The following POTEF variants were observed in gnomAD, a reference collection of about 807,000 sequenced individuals.
POTEF encodes ANKRD26-like family C member 1B.
Under a neutral mutation model 83.2 loss-of-function variants are expected in POTEF, and 20 were observed. The ratio of observed to expected loss-of-function variants is 0.24; its 90% CI spans 0.17 to 0.35. The LOEUF is 0.35. Among genes scored for constraint, POTEF ranks in the 10% least tolerant of loss-of-function variants. POTEF has a pLI of 1.00. For missense variants in POTEF, 550 were observed against 1,203.2 expected (o/e 0.46, Z 8.03); for synonymous variants, 196 against 446.4 (o/e 0.44, Z 7.07).
chr2:130,125,966 G>C (rs1402295728), intron 2 of POTEF, among the ~76,000 whole-genome samples: 3 of 151,272 alleles, frequency 2.0e-5, no homozygotes, highest in Non-Finnish European at 4.4e-5. Flanking sequence ...CAAAGAGGTG[G>C]TGATGAACCA....
intron 1 of POTEF, among the ~76,000 whole-genome samples, chr2:130,128,514 A>C (rs1573621312): frequency 3.4e-5 from 4 of 117,124 alleles, no homozygotes; most frequent in African/African-American, 6.3e-5. Flanking sequence ...CACCCACCAC[A>C]CCCTGTGCCA....
intron 2 of POTEF, among the ~76,000 whole-genome samples, chr2:130,126,728 T>TA (rs1246457698): frequency 6.6e-6 from 1 of 152,010 alleles, no homozygotes; most frequent in Non-Finnish European, 1.5e-5. Flanking sequence ...TCCTCATCCC[T>TA]AAAACATAGT....
rs1457239500 is a variant in POTEF at position 130,108,248 on chromosome 2, T to G, written c.1056-169A>C. Among the ~76,000 whole-genome samples, 2 of 151,228 alleles carry G rather than the reference T, an allele frequency of 1.3e-5. 1 individual carries two copies. Among genetic ancestry groups the G allele is most frequent in the African/African-American group, 4.9e-5 (2 of 40,552 alleles). ...TTCTACAAACTTCTCTTTAAGCTTC[T>G]AATTAAAGAAGAAAAAAATGTAAGG... On this transcript the variant is annotated intron_variant, in intron 7 of 16. Transcript: ENST00000409914.
intron 3 of POTEF, among the ~76,000 whole-genome samples, chr2:130,115,748 T>C (rs1342537576): frequency 1.3e-5 from 2 of 152,180 alleles, no homozygotes; most frequent in Non-Finnish European, 2.9e-5. Context: ...AGCTCAATAA[T>C]TGTTAGATAT....
intron 6 of POTEF, among the ~76,000 whole-genome samples, chr2:130,111,431 A>C (rs1684708247): frequency 6.6e-6 from 1 of 152,048 alleles, no homozygotes; most frequent in Non-Finnish European, 1.5e-5. Context: ...AAAAATAAAA[A>C]CATCAAAATA....
chr2:130,092,194 GATA>G (rs1460861107), intron 12 of POTEF, among the ~76,000 whole-genome samples: 1 of 41,440 alleles, frequency 2.4e-5, no homozygotes, highest in Non-Finnish European at 4.8e-5. Context: ...AAATGACAAT[GATA>G]ATAATAACAA....
Position 130,120,101 on chromosome 2 carries a change from C to A in POTEF, c.415G>T (p.Asp139Tyr), listed in dbSNP as rs373969877. The A allele has an allele frequency of 4.6e-5, 74 of 1,605,864 alleles. No individual in the cohort carries two copies. In the South Asian group the frequency reaches 6.4e-4, roughly 14 times the overall value. ...GCAGCTCTGTGGAGCTTGTCCAGAT[C>A]TTCTCCACGGACGTGGTACCTGGGC... ...MEPRYHVRGE[D>Y]LDKLHRAAWW... is the part of the protein sequence containing the mutation. Residue 139 changes from aspartate to tyrosine, a missense_variant, in exon 3 of 17, where the codon GAT (aspartate) becomes TAT (tyrosine). Transcript: ENST00000409914.
At position 130,127,300 on chromosome 2, in the gene POTEF, G is replaced by A. The variant is rs563417889; in HGVS notation, c.-94+409C>T. Among the ~76,000 whole-genome samples, 315 of 127,164 alleles carry A rather than the reference G, an allele frequency of 2.5e-3. 2 individuals are homozygous for A. The highest frequency in any genetic ancestry group is 9.7e-3 in the African/African-American group (302 of 31,292). 83.4% of individuals were successfully genotyped at this position (127,164 alleles called of 152,430 possible). A position where few individuals can be genotyped will look rare whatever the true frequency, so the allele number is the denominator to read the frequency against. On this transcript the variant is annotated intron_variant, in intron 2 of 16. Coordinates refer to ENST00000409914, the MANE Select transcript of POTEF (RefSeq NM_001099771.2). ...AGATCACACCACGGCACTCCAGCCT[G>A]GGCAAAAGAGCGAGACTCTGTCTCA...
At chr2:130,101,262 A>C (rs1408686026) in intron 9 of POTEF, among the ~76,000 whole-genome samples, 22 of 150,562 alleles carry the variant, frequency 1.5e-4, no homozygotes, top group East Asian at 3.9e-4. Context: ...GCAAATTCTC[A>C]AATTTTAATT....
chr2:130,075,105 G>A lies in POTEF; in HGVS notation c.2367C>T (p.Thr789=), dbSNP rs1418436035. The change falls in exon 17 of 17, where the codon ACC becomes ACT. Residue 789 remains threonine (T), a synonymous_variant. Transcript: ENST00000409914. ...WDDMEKIWHH[T]FYNELRVAPE... The stretch of plus-strand genomic sequence containing the variant: ...GAGCCACACGCAGCTCGTTGTAGAA[G>A]GTGTGGTGCCAGATCTTCTCCATGT... 4 of 1,613,768 alleles carry A rather than the reference G, an allele frequency of 2.5e-6. No individual in the cohort carries two copies. The highest frequency in any genetic ancestry group is 3.4e-6 in the Non-Finnish European group (4 of 1,179,966).
intron 2 of POTEF, among the ~76,000 whole-genome samples, chr2:130,123,133 G>T: frequency 3.0e-5 from 4 of 132,528 alleles, no homozygotes; most frequent in Non-Finnish European, 3.2e-5. Context: ...CCTTTCTCTT[G>T]GTCTAGTTGT....
At position 130,078,257 on chromosome 2, in the gene POTEF, G is replaced by A. The variant is rs1235623020; in HGVS notation, c.1779-1056C>T. Among the ~76,000 whole-genome samples the A allele has an allele frequency of 1.8e-4, 16 of 88,946 alleles. 6 individuals carry two copies. The highest frequency in any genetic ancestry group is 6.8e-4 in the African/African-American group (16 of 23,400). 58.4% of individuals were successfully genotyped at this position (88,946 alleles called of 152,430 possible). A position where few individuals can be genotyped will look rare whatever the true frequency, so the allele number is the denominator to read the frequency against. On this transcript the variant is annotated intron_variant, in intron 15 of 16. Coordinates refer to ENST00000409914, the MANE Select transcript of POTEF (RefSeq NM_001099771.2). ...ACATGAATTCAGTAAAGTCTCAGAG[G>A]TTACAAAATAAATGAATACCAATCA... is the stretch of plus-strand genomic sequence containing the variant.
At chr2:130,114,345 T>A (rs1684786311) in intron 5 of POTEF, among the ~76,000 whole-genome samples, 1 of 151,096 alleles carries the variant, frequency 6.6e-6, no homozygotes, top group African/African-American at 2.4e-5. Context: ...CATTATCTAA[T>A]TTCCAAATTG....
chr2:130,075,605 T>C (rs1558879559), intron 16 of POTEF, 33 bp from the exon 17 acceptor site: 3 of 1,585,468 alleles, frequency 1.9e-6, no homozygotes, highest in Non-Finnish European at 2.6e-6. Flanking sequence ...TAGTTAGCAC[T>C]CAATAGATTG....
chr2:130,074,677 G>T lies in POTEF; in HGVS notation c.2795C>A (p.Ser932Tyr). The T allele has an allele frequency of 6.3e-7, 1 of 1,589,508 alleles. No homozygotes were observed. The highest frequency in any genetic ancestry group is 1.6e-5 in the African/African-American group (1 of 63,962). ...DFEQEMATVASSSSLEKSYEL... is the reference protein window; with the variant it reads ...DFEQEMATVAYSSSLEKSYEL... ...GTAGCTCTTCTCTAGGGAGGAGCTG[G>T]AGGCCACCGTGGCCATCTCCTGCTC... is the stretch of plus-strand genomic sequence containing the variant. The change falls in exon 17 of 17, where the codon TCC (serine) becomes TAC (tyrosine). Residue 932 changes from serine to tyrosine, a missense_variant. Transcript: ENST00000409914.
chr2:130,113,446 G>T (rs1204910300), intron 5 of POTEF, among the ~76,000 whole-genome samples: 1 of 142,288 alleles, frequency 7.0e-6, no homozygotes, highest in Non-Finnish European at 1.5e-5. Context: ...TGAGACATAA[G>T]AATTTACATA....
rs201039236 is a variant in POTEF at position 130,113,383 on chromosome 2, A to G, written c.811-1282T>C. 2.5e-3 allele frequency among the ~76,000 whole-genome samples: 342 copies of G among 136,522 alleles called. 8 individuals carry two copies. Among genetic ancestry groups the G allele is most frequent in the Admixed American group, 0.014 (175 of 12,444 alleles). 89.6% of individuals were successfully genotyped at this position (136,522 alleles called of 152,430 possible). A position where few individuals can be genotyped will look rare whatever the true frequency, so the allele number is the denominator to read the frequency against. ...CAGATTAATGTTATTGGAAAGATTT[A>G]AAGAAATCAGCACATATCCAACCCC... is the stretch of plus-strand genomic sequence containing the variant. On this transcript the variant is annotated intron_variant, in intron 5 of 16. Transcript: ENST00000409914.
intron 3 of POTEF, among the ~76,000 whole-genome samples, 178 bp from the exon 4 acceptor site, chr2:130,115,506 G>T (rs1308098480): frequency 1.3e-5 from 2 of 152,066 alleles, no homozygotes; most frequent in Non-Finnish European, 2.9e-5. Context: ...CTGTATTAAT[G>T]AAAGGGCAGC....
chr2:130,128,756 T>C (rs1573621520), intron 1 of POTEF, among the ~76,000 whole-genome samples: 1 of 126,028 alleles, frequency 7.9e-6, no homozygotes, highest in African/African-American at 3.2e-5. Context: ...GCCAGCATTG[T>C]AGCTCCAAAT....
Sources: gnomAD v4.1 joint callset for allele counts (sites outside exome capture counted in the v4.1 genomes callset) on GRCh38, gnomAD v4.1.1 for gene constraint, MANE v1.5 for transcripts, NCBI Gene and HGNC (gene_info 2026-07-23, HGNC 2026-07-21) for gene names.